The following ZNF652 variants were observed in gnomAD, a reference collection of about 807,000 sequenced individuals.
The protein encoded by ZNF652 is zinc finger protein 652.
ZNF652 carries 16 observed loss-of-function variants against 45.2 expected under a neutral mutation model. That is an observed-to-expected ratio of 0.35 (90% CI 0.24 to 0.54). The LOEUF (loss-of-function observed/expected upper bound fraction) is 0.54. Among genes scored for constraint, ZNF652 ranks in the 20% least tolerant of loss-of-function variants. ZNF652 has a pLI of 0.91. For missense variants in ZNF652, 614 were observed against 765.6 expected (o/e 0.80, Z 2.34); for synonymous variants, 250 against 260.6 (o/e 0.96, Z 0.39).
chr17:49,351,008 TATATATACACACAC>T (rs1278867449), intron 1 of ZNF652, among the ~76,000 whole-genome samples: 5 of 18,474 alleles, frequency 2.7e-4, no homozygotes, highest in African/African-American at 1.4e-3. Context: ...TATATATATA[TATATATACACACAC>T]ACACACACAC....
intron 1 of ZNF652, among the ~76,000 whole-genome samples, chr17:49,319,271 T>TA (rs1455639210): frequency 1.3e-5 from 2 of 152,140 alleles, no homozygotes. Context: ...GGCACTATAA[T>TA]AGTTTTTATT....
rs2143766300 is a variant in ZNF652, at chr17:49,311,347, T to C, written c.1274A>G (p.Lys425Arg). The change falls in exon 5 of 6, where the codon AAG becomes AGG. Residue 425 changes from lysine to arginine, a missense_variant. By Grantham distance (26) the Lys-to-Arg change is conservative. Transcript: ENST00000430262. ...TTTCATGTGTTCGTCGAAGTACTGC[T>C]TCATGTTGAAATCCTTGCCACACCA... is the stretch of plus-strand genomic sequence containing the variant. ...CQWCGKDFNM[K>R]QYFDEHMKTH... 6.2e-7 allele frequency: 1 copy of C among 1,614,172 alleles called. No homozygotes were observed. Among genetic ancestry groups the C allele is most frequent in the East Asian group, 2.2e-5 (1 of 44,878 alleles).
rs201752360 is a variant in ZNF652, at chr17:49,312,860, T to G, written c.901-15A>C. ...CAGGAAACACACTGAGCAGGATAAA[T>G]AGAAATAATATTTATAGGGGCTTAC... On this transcript the variant is annotated splice_polypyrimidine_tract_variant and intron_variant, in intron 2 of 5. Transcript: ENST00000430262. The G allele has an allele frequency of 6.2e-7, 1 of 1,608,812 alleles. No individual in the cohort carries two copies. The highest frequency in any genetic ancestry group is 1.3e-5 in the African/African-American group (1 of 74,468).
At chr17:49,356,362 G>A (rs1402265739) in intron 1 of ZNF652, among the ~76,000 whole-genome samples, 1 of 145,718 alleles carries the variant, frequency 6.9e-6, no homozygotes, top group Non-Finnish European at 1.5e-5. Flanking sequence ...CCGGGAGGCG[G>A]AGGCTGCAAT....
rs540125041 is a variant in ZNF652 at position 49,316,285 on chromosome 17, A to G, written c.900+541T>C. ...AGCTCAGCCTCTGCTTAAAGTTTGC[A>G]TATTCCCATGGGCTCAGCCTCTTGG... On this transcript the variant is annotated intron_variant, in intron 2 of 5. Transcript: ENST00000430262. Among the ~76,000 whole-genome samples the G allele has an allele frequency of 5.9e-5, 9 of 152,314 alleles. No individual in the cohort carries two copies. The South Asian group carries it at 1.2e-3, about 21-fold the overall frequency.
intron 5 of ZNF652, among the ~76,000 whole-genome samples, chr17:49,305,349 G>C (rs1405260570): frequency 6.6e-6 from 1 of 151,812 alleles, no homozygotes; most frequent in Non-Finnish European, 1.5e-5. Flanking sequence ...ATTATTTTTT[G>C]AGATGGAGAA....
intron 5 of ZNF652, among the ~76,000 whole-genome samples, chr17:49,299,787 C>T (rs1435236769): frequency 6.6e-6 from 1 of 151,876 alleles, no homozygotes; most frequent in African/African-American, 2.4e-5. Flanking sequence ...AGCAATCCTC[C>T]CAGCTCAGCC....
intron 1 of ZNF652, among the ~76,000 whole-genome samples, chr17:49,352,997 G>A (rs550821350): frequency 6.6e-6 from 1 of 152,298 alleles, no homozygotes; most frequent in South Asian, 2.1e-4. Context: ...GACAGTGGGA[G>A]GGAGTTATCT....
In ZNF652 at chr17:49,296,520, A is replaced by T. The variant is rs534728459; in HGVS notation, c.*1893T>A. On this transcript the variant is annotated 3_prime_UTR_variant, in exon 6 of 6. Transcript: ENST00000430262. ...AAAATAAATAAAAGCCAGCGTTCTG[A>T]TTCAGGCAAAGATTTTAAGAAACCG... The T allele has an allele frequency of 1.3e-5, 2 of 152,712 alleles. No homozygotes were observed. The highest frequency in any genetic ancestry group is 3.9e-4 in the East Asian group (2 of 5,192). The allele number at this position is 152,712 out of a possible 1,614,324, so 9.5% of individuals were successfully genotyped here.
chr17:49,303,025 C>T (rs981461279), intron 5 of ZNF652, among the ~76,000 whole-genome samples: 1 of 150,890 alleles, frequency 6.6e-6, no homozygotes, highest in African/African-American at 2.4e-5. Context: ...AATATATATA[C>T]ATGGAAAGAA....
chr17:49,350,575 T>C (rs1250097788), intron 1 of ZNF652, among the ~76,000 whole-genome samples: 3 of 152,018 alleles, frequency 2.0e-5, no homozygotes, highest in South Asian at 4.1e-4. Flanking sequence ...AAAGAACTTA[T>C]TGCAATAGCA....
intron 1 of ZNF652, among the ~76,000 whole-genome samples, chr17:49,324,000 G>A (rs2069927533): frequency 6.6e-6 from 1 of 152,200 alleles, no homozygotes; most frequent in African/African-American, 2.4e-5. Context: ...CCCCTAGCAA[G>A]AGAGTCAGCC....
chr17:49,350,632 A>G (rs1472787934), intron 1 of ZNF652, among the ~76,000 whole-genome samples: 2 of 151,970 alleles, frequency 1.3e-5, no homozygotes, highest in Non-Finnish European at 2.9e-5. Context: ...CTTTGATTCA[A>G]AAAGGCAGGC....
At chr17:49,312,948 C>A in intron 2 of ZNF652, 103 bp from the exon 3 acceptor site, 1 of 1,146,840 alleles carries the variant, frequency 8.7e-7, no homozygotes, top group Non-Finnish European at 1.2e-6. Context: ...GGCACAAGGC[C>A]AGAATCCAGA....
chr17:49,303,444 T>C (rs917297250), intron 5 of ZNF652, among the ~76,000 whole-genome samples: 1 of 151,866 alleles, frequency 6.6e-6, no homozygotes, highest in African/African-American at 2.4e-5. Flanking sequence ...TTTACCACAT[T>C]GGTCAGGCTG....
intron 1 of ZNF652, among the ~76,000 whole-genome samples, chr17:49,330,486 A>G (rs553043206): frequency 4.6e-5 from 7 of 151,830 alleles, no homozygotes; most frequent in African/African-American, 1.7e-4. Context: ...TAGCATGACT[A>G]ATTTTTAATT....
intron 5 of ZNF652, among the ~76,000 whole-genome samples, chr17:49,304,092 G>A (rs2069594823): frequency 6.9e-6 from 1 of 144,516 alleles, no homozygotes; most frequent in African/African-American, 2.6e-5. Flanking sequence ...AGTAGAGGCA[G>A]GGTTTCACTG....
At chr17:49,345,472 G>A (rs1406686228) in intron 1 of ZNF652, among the ~76,000 whole-genome samples, 1 of 151,056 alleles carries the variant, frequency 6.6e-6, no homozygotes, top group African/African-American at 2.4e-5. Context: ...AAAGTGCTGG[G>A]ATTACAGGCG....
At chr17:49,325,426 A>G (rs533879254) in intron 1 of ZNF652, among the ~76,000 whole-genome samples, 1 of 152,326 alleles carries the variant, frequency 6.6e-6, no homozygotes, top group East Asian at 1.9e-4. Flanking sequence ...TTATAACAGT[A>G]ACATCAAAGA....
Sources: allele counts gnomAD v4.1 joint callset (sites outside exome capture counted in the v4.1 genomes callset), GRCh38; gene constraint gnomAD v4.1.1; transcripts MANE v1.5; gene names NCBI Gene and HGNC (gene_info 2026-07-23, HGNC 2026-07-21).